Variants in PIWIL3 observed in about 807,000 individuals in gnomAD.
PIWIL3 encodes the protein piwi-like protein 3.
Under a neutral mutation model 109.7 loss-of-function variants are expected in PIWIL3, and 101 were observed. The observed-to-expected ratio is 0.92, with a 90% CI of 0.78 to 1.09. The LOEUF is 1.09. Among genes scored for constraint, PIWIL3 ranks in the 50% least tolerant of loss-of-function variants. PIWIL3 has a pLI of 0.00. For synonymous variants in PIWIL3, 373 were observed against 376.4 expected, an observed-to-expected ratio of 0.99 and a Z score of 0.10; for missense variants, 1,031 against 1,072.6, an observed-to-expected ratio of 0.96 and a Z score of 0.54.
At chr22:24,752,318 C>T (rs1208141190) in intron 8 of PIWIL3, among the ~76,000 whole-genome samples, 1 of 152,298 alleles carries the variant, frequency 6.6e-6, no homozygotes, top group East Asian at 1.9e-4. Flanking sequence ...GTATATCCAA[C>T]ATGGAGGTTC....
At chr22:24,727,692 A>C (rs915886836) in intron 16 of PIWIL3, among the ~76,000 whole-genome samples, 1 of 152,218 alleles carries the variant, frequency 6.6e-6, no homozygotes, top group African/African-American at 2.4e-5. Context: ...AGAACCGTGC[A>C]GATAAAGACA....
At chr22:24,723,577 G>T (rs749423005) in intron 18 of PIWIL3, among the ~76,000 whole-genome samples, 1 of 152,178 alleles carries the variant, frequency 6.6e-6, no homozygotes. Context: ...TAAGTCTTAG[G>T]GCTGGAGATC....
chr22:24,747,007 C>T (rs73152589), intron 12 of PIWIL3, among the ~76,000 whole-genome samples: 11,699 of 151,606 alleles, frequency 0.077, 609 homozygotes, highest in Middle Eastern at 0.13. Context: ...AACCAAAAGA[C>T]CCAGAATTCC....
intron 1 of PIWIL3, among the ~76,000 whole-genome samples, chr22:24,772,731 C>A (rs1438197037): frequency 2.0e-5 from 3 of 152,062 alleles, no homozygotes; most frequent in Non-Finnish European, 4.4e-5. Context: ...TAGGTGGGTG[C>A]ACAGCAGCAT....
intron 12 of PIWIL3, among the ~76,000 whole-genome samples, chr22:24,740,189 CCAACCTGGG>C (rs1186406994): frequency 2.3e-5 from 3 of 133,286 alleles, no homozygotes; most frequent in Non-Finnish European, 3.1e-5. Context: ...CCACTGCACT[CCAACCTGGG>C]CAACGGAGGG....
intron 3 of PIWIL3, among the ~76,000 whole-genome samples, chr22:24,759,183 T>C (rs1372755552): frequency 6.6e-6 from 1 of 152,244 alleles, no homozygotes; most frequent in East Asian, 1.9e-4. Flanking sequence ...CTGCACCCAG[T>C]CCATGTAATT....
In PIWIL3 at chr22:24,764,399, C is replaced by T. The variant is rs555592561; in HGVS notation, c.-22-1878G>A. Among the ~76,000 whole-genome samples, 11 of 152,298 alleles carry T rather than the reference C, an allele frequency of 7.2e-5. No individual in the cohort carries two copies. In the East Asian group the frequency reaches 2.1e-3, roughly 29 times the overall value. ...TACCACTTAGTAGCTTTAACCAACT[C>T]CCTGCTGGGGCCGGTGTAACTAAAT... On this transcript the variant is annotated intron_variant, in intron 1 of 20. Transcript: ENST00000616349.
Position 24,725,009 on chromosome 22 carries a change from T to C in PIWIL3, c.2109A>G (p.Glu703=). ...CAATAACAGAATGTGGCATCGATGA[T>C]TCGTTTTTACACCAGACATCCAGGG... The part of the protein sequence containing the change: ...KAALDVWCKN[E]SSMPHSVIVY... Residue 703 remains glutamate (E), a synonymous_variant, in exon 18 of 21, where the codon GAA becomes GAG. Transcript: ENST00000616349. 1.9e-6 allele frequency: 3 copies of C among 1,614,204 alleles called. No individual in the cohort carries two copies. Among genetic ancestry groups the C allele is most frequent in the Non-Finnish European group, 2.5e-6 (3 of 1,180,032 alleles).
intron 1 of PIWIL3, among the ~76,000 whole-genome samples, chr22:24,768,188 T>A (rs1191525189): frequency 6.6e-6 from 1 of 152,120 alleles, no homozygotes; most frequent in African/African-American, 2.4e-5. Flanking sequence ...ACAAAAAGAA[T>A]CCTATATTTT....
At chr22:24,769,330 C>A (rs1270353825) in intron 1 of PIWIL3, among the ~76,000 whole-genome samples, 2 of 152,090 alleles carry the variant, frequency 1.3e-5, no homozygotes, top group African/African-American at 2.4e-5. Flanking sequence ...TACACTAACA[C>A]GGCCAGGCGC....
At chr22:24,734,629 A>T (rs1237599127) in intron 13 of PIWIL3, among the ~76,000 whole-genome samples, 1 of 152,134 alleles carries the variant, frequency 6.6e-6, no homozygotes, top group African/African-American at 2.4e-5. Context: ...ATACCCAGTC[A>T]CAGGAGGGTC....
rs888643828 is a variant in PIWIL3 at position 24,727,856 on chromosome 22, A to T, written c.2009+94T>A. 6.9e-6 allele frequency: 7 copies of T among 1,012,484 alleles called. No homozygotes were observed. The African/African-American group carries it at 1.1e-4, about 16-fold the overall frequency. 62.7% of individuals were successfully genotyped at this position (1,012,484 alleles called of 1,614,324 possible). A position where few individuals can be genotyped will look rare whatever the true frequency, so the allele number is the denominator to read the frequency against. Reference sequence around the variant, plus strand: ...AGAATAACTCATCTGTCAAATTCCCAACCTCTTGAGTTAACACATATTAAT... The same window carrying T: ...AGAATAACTCATCTGTCAAATTCCCTACCTCTTGAGTTAACACATATTAAT... On this transcript the variant is annotated intron_variant, in intron 16 of 20. Coordinates refer to ENST00000616349, the MANE Select transcript of PIWIL3 (RefSeq NM_001255975.1).
intron 4 of PIWIL3, 137 bp downstream of exon 4, chr22:24,757,771 C>A: frequency 9.5e-7 from 1 of 1,052,176 alleles, no homozygotes; most frequent in Non-Finnish European, 1.3e-6. Context: ...CAGCTGAGCC[C>A]AGGAGTTTGA....
chr22:24,751,873 C>A (rs1924731588), intron 8 of PIWIL3, among the ~76,000 whole-genome samples: 1 of 152,238 alleles, frequency 6.6e-6, no homozygotes, highest in African/African-American at 2.4e-5. Context: ...CACTTAGCAT[C>A]ATGTTTAAGG....
chr22:24,735,264 T>C (rs1379299318), intron 13 of PIWIL3, among the ~76,000 whole-genome samples: 1 of 152,142 alleles, frequency 6.6e-6, no homozygotes, highest in East Asian at 1.9e-4. Flanking sequence ...CTATGGACTT[T>C]GGGTGATTAT....
At chr22:24,728,432 A>C (rs1342851716) in intron 14 of PIWIL3, 58 bp from the exon 15 acceptor site, 1 of 1,604,444 alleles carries the variant, frequency 6.2e-7, no homozygotes, top group African/African-American at 1.3e-5. Context: ...TACAGGAAAG[A>C]AAAACCATCT....
At chr22:24,740,257 T>A (rs1249233315) in intron 12 of PIWIL3, among the ~76,000 whole-genome samples, 5 of 127,560 alleles carry the variant, frequency 3.9e-5, no homozygotes, top group Admixed American at 7.8e-5. Flanking sequence ...CAATTAGAAA[T>A]GAAACGGGAG....
chr22:24,722,776 G>A (rs114392933), intron 19 of PIWIL3, among the ~76,000 whole-genome samples: 2,514 of 152,184 alleles, frequency 0.017, 67 homozygotes, highest in African/African-American at 0.057. Context: ...TTTGATGGTC[G>A]TGATATAGTC....
At chr22:24,759,734 T>C (rs1156415693) in intron 3 of PIWIL3, 135 bp downstream of exon 3, 1 of 1,297,434 alleles carries the variant, frequency 7.7e-7, no homozygotes, top group East Asian at 2.3e-5. Flanking sequence ...AGAGAGACAG[T>C]TGCAAGCTGC....
Sources: allele counts gnomAD v4.1 joint callset (sites outside exome capture counted in the v4.1 genomes callset), GRCh38; gene constraint gnomAD v4.1.1; transcripts MANE v1.5; gene names NCBI Gene and HGNC (gene_info 2026-07-23, HGNC 2026-07-21).